GALNT13: variants seen among roughly 807,000 people sequenced by gnomAD.
GALNT13 encodes UDP-GalNAc:polypeptide N-acetylgalactosaminyltransferase 13.
In GALNT13, 28 loss-of-function variants were observed where a neutral mutation model predicts 64.2. The ratio of observed to expected loss-of-function variants is 0.44; its 90% confidence interval spans 0.32 to 0.60. The LOEUF is 0.60. Ranked by LOEUF, GALNT13 falls within the 20% of genes least tolerant of loss-of-function variation. GALNT13 has a pLI of 0.05. For missense variants in GALNT13, 577 were observed against 669.8 expected, an observed-to-expected ratio of 0.86 and a Z score of 1.53; for synonymous variants, 214 against 224.6, an observed-to-expected ratio of 0.95 and a Z score of 0.42.
the GALNT13 span, among the ~76,000 whole-genome samples, chr2:153,359,630 CAAAAAAAAAAAAAAAAA>C: frequency 5.2e-5 from 2 of 38,220 alleles, no homozygotes; most frequent in African/African-American, 2.0e-4. Context: ...CAGCTTTCAG[CAAAAAAAAAAAAAAAAA>C]AAAAAAAAAA....
intron 4 of GALNT13, among the ~76,000 whole-genome samples, chr2:154,157,356 C>T (rs952703872): frequency 6.6e-6 from 1 of 152,102 alleles, no homozygotes; most frequent in Non-Finnish European, 1.5e-5. Flanking sequence ...ACTGCTTAAG[C>T]ACAAGTGCAC....
intron 3 of GALNT13, among the ~76,000 whole-genome samples, chr2:153,958,731 CTA>C (rs1257082135): frequency 6.6e-6 from 1 of 152,096 alleles, no homozygotes; most frequent in Non-Finnish European, 1.5e-5. Context: ...AGATCCCAAG[CTA>C]CAAAAAGGCA....
the GALNT13 span, among the ~76,000 whole-genome samples, chr2:153,846,464 G>C: frequency 6.6e-6 from 1 of 152,076 alleles, no homozygotes; most frequent in Non-Finnish European, 1.5e-5. Flanking sequence ...GATAAATATT[G>C]TTGGTTCAAT....
chr2:153,590,729 A>G, the GALNT13 span, among the ~76,000 whole-genome samples: 431 of 152,294 alleles, frequency 2.8e-3, 9 homozygotes, highest in Admixed American at 0.023. Flanking sequence ...CCATGTAATC[A>G]TCTCAATAGA....
chr2:153,697,059 G>T, the GALNT13 span, among the ~76,000 whole-genome samples: 4 of 152,104 alleles, frequency 2.6e-5, no homozygotes, highest in African/African-American at 9.7e-5. Flanking sequence ...GTGTTTCCCT[G>T]CAGGAAACCT....
At chr2:153,373,132 TTG>T in the GALNT13 span, among the ~76,000 whole-genome samples, 25,591 of 148,568 alleles carry the variant, frequency 0.17, 2,244 homozygotes, top group South Asian at 0.25. Flanking sequence ...TTCTGTTGCT[TTG>T]TGTGTGTGTG....
At chr2:153,487,054 G>T in the GALNT13 span, among the ~76,000 whole-genome samples, 1 of 152,174 alleles carries the variant, frequency 6.6e-6, no homozygotes, top group East Asian at 1.9e-4. Context: ...GGACAAGTGT[G>T]TGTTATTTTA....
intron 3 of GALNT13, among the ~76,000 whole-genome samples, chr2:154,005,978 A>C (rs1048275470): frequency 6.6e-6 from 1 of 152,192 alleles, no homozygotes; most frequent in African/African-American, 2.4e-5. Context: ...AAGCAATCAG[A>C]GGTATCTTCC....
the GALNT13 span, among the ~76,000 whole-genome samples, chr2:153,222,327 T>TGGGG: frequency 3.1e-5 from 3 of 95,580 alleles, no homozygotes; most frequent in Admixed American, 1.2e-4. Flanking sequence ...GGGGGGGGGG[T>TGGGG]GGGGTGGGGG....
chr2:153,174,620 C>T, the GALNT13 span, among the ~76,000 whole-genome samples: 1 of 152,138 alleles, frequency 6.6e-6, no homozygotes, highest in Non-Finnish European at 1.5e-5. Flanking sequence ...GTACCTTCAG[C>T]ACTTTGCTTA....
At chr2:153,793,401 C>T in the GALNT13 span, among the ~76,000 whole-genome samples, 27,479 of 151,944 alleles carry the variant, frequency 0.18, 3,563 homozygotes, top group African/African-American at 0.37. Flanking sequence ...TCTTTACAAT[C>T]CAAACCCAGG....
intron 3 of GALNT13, among the ~76,000 whole-genome samples, chr2:154,060,484 T>A (rs2105365844): frequency 6.6e-6 from 1 of 152,202 alleles, no homozygotes; most frequent in Non-Finnish European, 1.5e-5. Context: ...GCCTCCTGAG[T>A]AGCTGGGACT....
At chr2:154,152,757 C>T (rs977029458) in intron 4 of GALNT13, among the ~76,000 whole-genome samples, 6 of 152,202 alleles carry the variant, frequency 3.9e-5, no homozygotes, top group Non-Finnish European at 8.8e-5. Context: ...TCATGTAGTT[C>T]TGGAGCCTTG....
the GALNT13 span, among the ~76,000 whole-genome samples, chr2:153,793,778 G>A: frequency 6.6e-6 from 1 of 152,028 alleles, no homozygotes; most frequent in Non-Finnish European, 1.5e-5. Context: ...AAGGGAAATA[G>A]CATTTTCTTA....
chr2:154,086,565 A>G (rs1701539252), intron 3 of GALNT13, among the ~76,000 whole-genome samples: 1 of 151,740 alleles, frequency 6.6e-6, no homozygotes. Context: ...ATGCATTTTT[A>G]TATGGGACAC....
chr2:153,879,025 G>C (rs1686587816), intron 1 of GALNT13, among the ~76,000 whole-genome samples: 1 of 152,086 alleles, frequency 6.6e-6, no homozygotes, highest in Non-Finnish European at 1.5e-5. Flanking sequence ...CATTTAACTG[G>C]GATGGATCCA....
At chr2:154,432,816 A>G (rs968651315) in intron 11 of GALNT13, among the ~76,000 whole-genome samples, 1 of 152,210 alleles carries the variant, frequency 6.6e-6, no homozygotes, top group African/African-American at 2.4e-5. Context: ...GACTATCTCC[A>G]TAAGTGTGCA....
the GALNT13 span, among the ~76,000 whole-genome samples, chr2:153,216,956 C>T: frequency 1.3e-5 from 2 of 151,842 alleles, no homozygotes; most frequent in South Asian, 2.1e-4. Context: ...TTCTATGATC[C>T]ATTTGAGTTA....
chr2:153,210,636 T>G, the GALNT13 span, among the ~76,000 whole-genome samples: 1 of 148,772 alleles, frequency 6.7e-6, no homozygotes, highest in African/African-American at 2.4e-5. Flanking sequence ...AGTTCTTGTC[T>G]GGTTTTGGTA....
Sources: gnomAD v4.1 joint callset for allele counts (sites outside exome capture counted in the v4.1 genomes callset) on GRCh38, gnomAD v4.1.1 for gene constraint, MANE v1.5 for transcripts, NCBI Gene and HGNC (gene_info 2026-07-23, HGNC 2026-07-21) for gene names.